Variants in AFAP1L2 observed in about 807,000 individuals in gnomAD.
The protein encoded by AFAP1L2 is actin filament-associated protein 1-like 2.
Under a neutral mutation model 99.3 loss-of-function variants are expected in AFAP1L2, and 46 were observed. The observed-to-expected ratio is 0.46, with a 90% CI of 0.37 to 0.59. The LOEUF (loss-of-function observed/expected upper bound fraction) is 0.59. Ranked by LOEUF, AFAP1L2 falls within the 20% of genes least tolerant of loss-of-function variation. The probability of loss-of-function intolerance (pLI) is 0.00; values close to 1 mark genes in which losing one functional copy is unlikely to be tolerated. For missense variants in AFAP1L2, 959 were observed against 1,034.9 expected (o/e 0.93, Z 1.01); for synonymous variants, 397 against 419.1 (o/e 0.95, Z 0.64).
At chr10:114,385,034 T>C (rs1590781279) in intron 1 of AFAP1L2, among the ~76,000 whole-genome samples, 1 of 152,128 alleles carries the variant, frequency 6.6e-6, no homozygotes, top group East Asian at 1.9e-4. Flanking sequence ...GAGCCCCATA[T>C]GAAGTATAAG....
Position 114,402,696 on chromosome 10 carries a change from A to G in AFAP1L2, c.16+1744T>C, listed in dbSNP as rs114983140. Among the ~76,000 whole-genome samples, 1,157 of 152,370 alleles carry G rather than the reference A, an allele frequency of 7.6e-3. 15 individuals carry two copies. The highest frequency in any genetic ancestry group is 0.026 in the African/African-American group (1,098 of 41,584). On this transcript the variant is annotated intron_variant, in intron 1 of 18. Coordinates refer to ENST00000304129, the MANE Select transcript of AFAP1L2 (RefSeq NM_001001936.3). ...AAAGATAACTAAGAAGACTTTTATC[A>G]GGTCAAGGGCCAAGTCAAAAGTTAT...
At chr10:114,296,825 G>A (rs1347329227) in intron 18 of AFAP1L2, 153 bp downstream of exon 18, 6 of 1,296,996 alleles carry the variant, frequency 4.6e-6, no homozygotes, top group Non-Finnish European at 2.2e-6. Flanking sequence ...TGAGCTGAAG[G>A]CATGGCAAAG....
rs376028117 is a variant in AFAP1L2 at position 114,315,651 on chromosome 10, C to T, written c.521G>A (p.Arg174His). 1.1e-5 allele frequency: 18 copies of T among 1,613,858 alleles called. No homozygotes were observed. Among genetic ancestry groups the T allele is most frequent in the South Asian group, 3.3e-5 (3 of 91,064 alleles). Reference protein sequence around the residue: ...PSPEAGIELMRDARICAFLWR... With the variant: ...PSPEAGIELMHDARICAFLWR... ...CAGGAAGGCGCAGATGCGGGCGTCA[C>T]GCATCAGCTCGATGCCGGCCTCCGG... is the stretch of plus-strand genomic sequence containing the variant. Residue 174 changes from arginine to histidine, a missense_variant, in exon 6 of 19, where the codon CGT becomes CAT. Around this residue, in one of 2 missense-constraint regions of AFAP1L2, gnomAD observed 383 missense variants for 472.8 expected, o/e 0.81. Transcript: ENST00000304129.
intron 18 of AFAP1L2, chr10:114,296,723 G>T: frequency 2.1e-6 from 1 of 469,214 alleles, no homozygotes; most frequent in Non-Finnish European, 3.9e-6. Flanking sequence ...CCATAGCTGT[G>T]TGGAGGGCAA....
chr10:114,315,948 C>A (rs772555535), intron 5 of AFAP1L2, among the ~76,000 whole-genome samples, 183 bp from the exon 6 acceptor site: 4 of 152,246 alleles, frequency 2.6e-5, no homozygotes, highest in Admixed American at 6.5e-5. Context: ...TGCCCCCAAA[C>A]CCCTCAGCAA....
At chr10:114,319,768 AC>A in intron 5 of AFAP1L2, 1 of 579,708 alleles carries the variant, frequency 1.7e-6, no homozygotes, top group Non-Finnish European at 2.7e-6. Context: ...CTGCCAGTCC[AC>A]CAGAGGTTAG....
chr10:114,357,253 C>A (rs1383379223), intron 1 of AFAP1L2, among the ~76,000 whole-genome samples: 2 of 152,174 alleles, frequency 1.3e-5, no homozygotes, highest in Non-Finnish European at 2.9e-5. Context: ...CACCTCCCTG[C>A]CCTGCCTATG....
chr10:114,325,479 GAT>G (rs1211350573), intron 4 of AFAP1L2, among the ~76,000 whole-genome samples: 1 of 152,230 alleles, frequency 6.6e-6, no homozygotes, highest in Non-Finnish European at 1.5e-5. Flanking sequence ...CAACAGAGCT[GAT>G]ATGAGGCACA....
rs748104760 is a variant in AFAP1L2 at position 114,300,561 on chromosome 10, A to AGGCCTG, written c.1666_1671dup (p.Gln556_Ala557dup). ...TCCAGGCAGGACAACGTCGGGGAGG[A>AGGCCTG]GGCCTGGGCCTGTGCACTGCTGGGG... is the stretch of plus-strand genomic sequence containing the variant. On this transcript the variant is annotated inframe_insertion, in exon 14 of 19. Transcript: ENST00000304129. 2.5e-6 allele frequency: 4 copies of AGGCCTG among 1,613,928 alleles called. No individual in the cohort carries two copies. In the African/African-American group the frequency reaches 5.3e-5, roughly 22 times the overall value.
chr10:114,284,897 C>T, the AFAP1L2 span: 2 of 1,606,980 alleles, frequency 1.2e-6, no homozygotes, highest in Admixed American at 1.7e-5. Context: ...AGAATGGAGG[C>T]ACATGTGTTC....
Position 114,313,913 on chromosome 10 carries a change from C to T in AFAP1L2, c.750G>A (p.Val250=), listed in dbSNP as rs535584816. Residue 250 remains valine, a synonymous_variant, in exon 7 of 19, where the codon GTG becomes GTA. Transcript: ENST00000304129. ...CCTGGTCCTTGCTCTGCAGGCCCAG[C>T]ACAATCACATCGGCATTCATCGGCG... ...KITPMNADVI[V]LGLQSKDQAE... 38 of 1,613,868 alleles carry T rather than the reference C, an allele frequency of 2.4e-5. No homozygotes were observed. In the East Asian group the frequency reaches 8.0e-4, roughly 34 times the overall value.
At chr10:114,282,708 G>A in the AFAP1L2 span, 5,097 of 710,836 alleles carry the variant, frequency 7.2e-3, 198 homozygotes, top group African/African-American at 0.079. Flanking sequence ...GCACTTGGGG[G>A]GCAGAGGAGA....
chr10:114,334,567 G>A (rs1012140929), intron 2 of AFAP1L2, among the ~76,000 whole-genome samples: 1 of 152,236 alleles, frequency 6.6e-6, no homozygotes, highest in African/African-American at 2.4e-5. Flanking sequence ...ACAGGAGGGG[G>A]CTGGATACAG....
Position 114,365,251 on chromosome 10 carries a change from A to G in AFAP1L2, c.17-24520T>C, listed in dbSNP as rs186006453. 5.3e-5 allele frequency among the ~76,000 whole-genome samples: 8 copies of G among 152,106 alleles called. No homozygotes were observed. The East Asian group carries it at 1.5e-3, about 29-fold the overall frequency. On this transcript the variant is annotated intron_variant, in intron 1 of 18. Coordinates refer to ENST00000304129, the MANE Select transcript of AFAP1L2 (RefSeq NM_001001936.3). Reference sequence around the variant, plus strand: ...TGGACATTGTTCTCTTCCATTCCCAACCCAACACATAATGAAGGAACCCCC... The same window carrying G: ...TGGACATTGTTCTCTTCCATTCCCAGCCCAACACATAATGAAGGAACCCCC...
chr10:114,305,787 C>T (rs1463890247), intron 10 of AFAP1L2, among the ~76,000 whole-genome samples: 8 of 95,042 alleles, frequency 8.4e-5, no homozygotes, highest in African/African-American at 2.1e-4. Flanking sequence ...CAGGAGGGGA[C>T]GCAGATGCAG....
chr10:114,287,347 ATTGTT>A, the AFAP1L2 span, among the ~76,000 whole-genome samples: 1 of 152,098 alleles, frequency 6.6e-6, no homozygotes, highest in Non-Finnish European at 1.5e-5. Context: ...TGCCCAGCTA[ATTGTT>A]TTATTTTTTA....
chr10:114,318,936 T>C (rs900990587), intron 5 of AFAP1L2, among the ~76,000 whole-genome samples: 3 of 151,882 alleles, frequency 2.0e-5, no homozygotes, highest in Admixed American at 6.6e-5. Flanking sequence ...GGCAGATCAC[T>C]TGAGGCCAGG....
At chr10:114,388,141 C>T (rs1446539816) in intron 1 of AFAP1L2, among the ~76,000 whole-genome samples, 1 of 152,130 alleles carries the variant, frequency 6.6e-6, no homozygotes, top group Admixed American at 6.5e-5. Context: ...CGGTGACTTA[C>T]CCATTTGGAA....
intron 1 of AFAP1L2, among the ~76,000 whole-genome samples, chr10:114,343,388 C>A (rs751401352): frequency 1.3e-4 from 20 of 152,222 alleles, no homozygotes; most frequent in Admixed American, 3.3e-4. Context: ...CATGGGCAGC[C>A]TTTCATTTGT....
Sources: allele counts gnomAD v4.1 joint callset (sites outside exome capture counted in the v4.1 genomes callset), GRCh38; gene constraint gnomAD v4.1.1; regional missense constraint gnomAD v4.1.1; transcripts MANE v1.5; gene names NCBI Gene and HGNC (gene_info 2026-07-23, HGNC 2026-07-21).